The following SMCO2 variants were observed in gnomAD, a reference collection of about 807,000 sequenced individuals.
The protein encoded by SMCO2 is single-pass membrane and coiled-coil domain-containing protein 2.
Under a neutral mutation model 29.5 loss-of-function variants are expected in SMCO2, and 25 were observed. That is an observed-to-expected ratio of 0.85 (90% CI 0.62 to 1.18). The LOEUF (loss-of-function observed/expected upper bound fraction) is 1.18, where lower values mean the gene tolerates loss of function less well. SMCO2 is among the 50% of genes most tolerant of loss of function. The pLI is 0.00. For synonymous variants in SMCO2, 117 were observed against 123.3 expected, an observed-to-expected ratio of 0.95 and a Z score of 0.34; for missense variants, 348 against 344.5, an observed-to-expected ratio of 1.01 and a Z score of -0.08.
At chr12:27,433,601 C>T in the SMCO2 span, among the ~76,000 whole-genome samples, 1 of 151,974 alleles carries the variant, frequency 6.6e-6, no homozygotes, top group African/African-American at 2.4e-5. Context: ...AAAGGAAATT[C>T]TAAAACTCTA....
chr12:27,450,118 T>A, the SMCO2 span, among the ~76,000 whole-genome samples: 1 of 152,248 alleles, frequency 6.6e-6, no homozygotes, highest in Non-Finnish European at 1.5e-5. Flanking sequence ...CCAGCTCAGC[T>A]CTGCTCCTCT....
the SMCO2 span, among the ~76,000 whole-genome samples, chr12:27,454,723 C>T: frequency 5.3e-5 from 8 of 152,184 alleles, no homozygotes; most frequent in African/African-American, 1.7e-4. Context: ...TATCCTTCCC[C>T]TGGCCCTCCA....
intron 5 of SMCO2, 70 bp downstream of exon 6, chr12:27,488,617 A>G (rs1382104664): frequency 5.2e-6 from 6 of 1,163,878 alleles, no homozygotes; most frequent in East Asian, 2.9e-5. Context: ...CTACCTTTCT[A>G]TTGTTAATAG....
the SMCO2 span, among the ~76,000 whole-genome samples, chr12:27,452,187 T>G: frequency 9.3e-4 from 142 of 152,360 alleles, no homozygotes; most frequent in Admixed American, 2.0e-3. Flanking sequence ...TTCTTTTTTG[T>G]ATAAATTAAG....
At chr12:27,493,548 A>T (rs55939183) in intron 5 of SMCO2, among the ~76,000 whole-genome samples, 11,272 of 151,994 alleles carry the variant, frequency 0.074, 495 homozygotes, top group East Asian at 0.14. Flanking sequence ...AAAAAAATTA[A>T]TTTCTATAAG....
chr12:27,466,469 G>A (rs1406207995), upstream of SMCO2, among the ~76,000 whole-genome samples: 4 of 152,292 alleles, frequency 2.6e-5, no homozygotes, highest in African/African-American at 9.6e-5. Context: ...ACTGGTAGAA[G>A]ACATGTCCTT....
At chr12:27,476,488 G>C (rs779121297) in intron 4 of SMCO2, among the ~76,000 whole-genome samples, 1 of 152,098 alleles carries the variant, frequency 6.6e-6, no homozygotes, top group Non-Finnish European at 1.5e-5. Context: ...TTGTATTGAA[G>C]TCTGTCTCTC....
At position 27,499,139 on chromosome 12, in the gene SMCO2, T is replaced by G. The variant is rs796961499; in HGVS notation, c.684-2784T>G. Among the ~76,000 whole-genome samples, 9 of 150,880 alleles carry G rather than the reference T, an allele frequency of 6.0e-5. 1 individual carries two copies. Among genetic ancestry groups the G allele is most frequent in the African/African-American group, 2.2e-4 (9 of 40,486 alleles). Reference sequence around the variant, plus strand: ...GTCCACACAAAAACCTGTACACAAATGTTCATGGCAGCATTATTCATAATA... The same window carrying G: ...GTCCACACAAAAACCTGTACACAAAGGTTCATGGCAGCATTATTCATAATA... On this transcript the variant is annotated intron_variant, in intron 7 of 7. Coordinates refer to ENST00000298876, the Ensembl canonical transcript of SMCO2.
chr12:27,482,495 T>A (rs1188569236), intron 4 of SMCO2, among the ~76,000 whole-genome samples: 2 of 152,178 alleles, frequency 1.3e-5, no homozygotes, highest in Non-Finnish European at 2.9e-5. Flanking sequence ...GAGGCAGGGT[T>A]CCAGCACGTT....
chr12:27,472,877 T>C lies in SMCO2; in HGVS notation c.234+2T>C, dbSNP rs1949552882. 1 of 1,548,990 alleles carries C rather than the reference T, an allele frequency of 6.5e-7. No homozygotes were observed. Among genetic ancestry groups the C allele is most frequent in the Non-Finnish European group, 8.7e-7 (1 of 1,145,192 alleles). On this transcript the variant is annotated splice_donor_variant, in intron 3 of 7. Transcript: ENST00000298876. LOFTEE classifies it high-confidence loss of function. Reference sequence around the variant, plus strand: ...CCTCAAACTGACTTCCTTCACAAGGTAGACACTGAAAAATGGGTAAGAGAG... The same window carrying C: ...CCTCAAACTGACTTCCTTCACAAGGCAGACACTGAAAAATGGGTAAGAGAG...
the SMCO2 span, among the ~76,000 whole-genome samples, chr12:27,453,421 C>T: frequency 6.6e-6 from 1 of 152,148 alleles, no homozygotes; most frequent in African/African-American, 2.4e-5. Flanking sequence ...GGATGAAAGC[C>T]CAACTAGAGA....
At chr12:27,427,328 G>A in the SMCO2 span, among the ~76,000 whole-genome samples, 1 of 152,188 alleles carries the variant, frequency 6.6e-6, no homozygotes, top group Non-Finnish European at 1.5e-5. Context: ...TGGAGCTTGG[G>A]AATTTGCATT....
At chr12:27,423,637 A>G in the SMCO2 span, 1 of 151,846 alleles carries the variant, frequency 6.6e-6, no homozygotes, top group East Asian at 1.9e-4. Flanking sequence ...CCTACTCTAC[A>G]CTTTTTTTAA....
chr12:27,482,009 CT>C (rs3051857), intron 4 of SMCO2, among the ~76,000 whole-genome samples: 63 of 142,694 alleles, frequency 4.4e-4, no homozygotes, highest in Admixed American at 4.9e-4. Flanking sequence ...TTTGATTCTG[CT>C]TTTTTTTTTT....
intron 7 of SMCO2, among the ~76,000 whole-genome samples, chr12:27,500,794 A>G (rs1185113835): frequency 2.0e-5 from 3 of 150,640 alleles, no homozygotes; most frequent in African/African-American, 7.5e-5. Flanking sequence ...AAGTGAAAGC[A>G]ATTATGTGTG....
At chr12:27,425,738 C>G in the SMCO2 span, among the ~76,000 whole-genome samples, 19 of 152,270 alleles carry the variant, frequency 1.2e-4, no homozygotes, top group Admixed American at 7.8e-4. Flanking sequence ...TCTGGATCAA[C>G]TTGGTTTACC....
At chr12:27,484,205 A>G (rs1232834272) in intron 4 of SMCO2, among the ~76,000 whole-genome samples, 6 of 152,220 alleles carry the variant, frequency 3.9e-5, no homozygotes, top group Admixed American at 3.9e-4. Flanking sequence ...ATCCTGGCCA[A>G]CATGGTGAAA....
intron 5 of SMCO2, among the ~76,000 whole-genome samples, chr12:27,492,865 A>G (rs987058757): frequency 6.6e-6 from 1 of 152,248 alleles, no homozygotes; most frequent in African/African-American, 2.4e-5. Context: ...TCACTCTACC[A>G]TAAAGACACA....
intron 4 of SMCO2, 104 bp from the exon 6 acceptor site, chr12:27,488,356 C>T: frequency 1.4e-6 from 1 of 711,008 alleles, no homozygotes; most frequent in Non-Finnish European, 2.1e-6. Context: ...CCAAAGCATC[C>T]TTTTATATGG....
Sources: gnomAD v4.1 joint callset for allele counts (sites outside exome capture counted in the v4.1 genomes callset) on GRCh38, gnomAD v4.1.1 for gene constraint, MANE v1.5 for transcripts, NCBI Gene and HGNC (gene_info 2026-07-23, HGNC 2026-07-21) for gene names.